Variants in HSF5 observed in about 807,000 individuals in gnomAD.
HSF5 encodes the protein heat shock factor protein 5.
A neutral mutation model predicts 50.8 loss-of-function variants in HSF5; 5 were observed. The observed-to-expected ratio is 0.10, with a 90% CI of 0.05 to 0.21. The LOEUF is 0.21. Ranked by LOEUF, HSF5 falls within the 10% of genes least tolerant of loss-of-function variation. The pLI is 1.00. For synonymous variants in HSF5, 307 were observed against 307.4 expected, an observed-to-expected ratio of 1.00 and a Z score of 0.02; for missense variants, 564 against 762.6, an observed-to-expected ratio of 0.74 and a Z score of 3.07.
intron 5 of HSF5, among the ~76,000 whole-genome samples, chr17:58,451,344 C>T (rs1010338233): frequency 6.6e-6 from 1 of 152,162 alleles, no homozygotes; most frequent in Non-Finnish European, 1.5e-5. Context: ...ATGGACCTAA[C>T]AAACATTTAC....
intron 1 of HSF5, among the ~76,000 whole-genome samples, 188 bp downstream of exon 1, chr17:58,487,537 G>A (rs1975202086): frequency 6.6e-6 from 1 of 152,240 alleles, no homozygotes; most frequent in Non-Finnish European, 1.5e-5. Context: ...TGGCCACCGT[G>A]CTGGTGCCGC....
In HSF5 at chr17:58,481,334, T is replaced by C. The variant is rs528064375; in HGVS notation, c.551-1067A>G. Reference sequence around the variant, plus strand: ...CAGAGATTCTGATACTTGTCTTCTCTTTATTAGCAATGTAAAAAGGAATAA... The same window carrying C: ...CAGAGATTCTGATACTTGTCTTCTCCTTATTAGCAATGTAAAAAGGAATAA... On this transcript the variant is annotated intron_variant, in intron 1 of 5. Coordinates refer to ENST00000323777, the MANE Select transcript of HSF5 (RefSeq NM_001080439.3). Among the ~76,000 whole-genome samples the C allele has an allele frequency of 2.0e-5, 3 of 152,316 alleles. No individual in the cohort carries two copies. The South Asian group carries it at 6.2e-4, about 32-fold the overall frequency.
Position 58,447,070 on chromosome 17 carries a change from AGCCAAGACTGT to A in HSF5, c.1720+11687_1720+11697del, listed in dbSNP as rs199645509. ...AACCTGGGAGACAGAGGTTTCAGTG[AGCCAAGACTGT>A]GCCACTGCACTCTAGCCTGGGCGAC... On this transcript the variant is annotated intron_variant, in intron 5 of 5. Transcript: ENST00000323777. Among the ~76,000 whole-genome samples, 1,380 of 152,302 alleles carry A rather than the reference AGCCAAGACTGT, an allele frequency of 9.1e-3. 23 individuals are homozygous for A. The highest frequency in any genetic ancestry group is 0.03 in the African/African-American group (1,263 of 41,558).
rs1035678610 is a variant in HSF5, at chr17:58,421,043, G to T, written c.*1317C>A. The T allele has an allele frequency of 6.6e-6, 1 of 152,592 alleles. No homozygotes were observed. Among genetic ancestry groups the T allele is most frequent in the African/African-American group, 2.4e-5 (1 of 41,434 alleles). 9.5% of individuals were successfully genotyped at this position (152,592 alleles called of 1,614,324 possible). On this transcript the variant is annotated 3_prime_UTR_variant, in exon 6 of 6. Transcript: ENST00000323777. ...TTCGTTTCTGCAGTGCTTAATAGGA[G>T]AACTGAAACAGAATCCAATAAGAAA...
chr17:58,425,380 T>C (rs1460079337), intron 5 of HSF5, among the ~76,000 whole-genome samples: 2 of 149,818 alleles, frequency 1.3e-5, no homozygotes, highest in Non-Finnish European at 3.0e-5. Flanking sequence ...CACTCCAGCC[T>C]GGGAAACAAG....
intron 5 of HSF5, among the ~76,000 whole-genome samples, chr17:58,450,826 C>T (rs185319920): frequency 5.9e-5 from 9 of 151,770 alleles, no homozygotes; most frequent in Admixed American, 2.6e-4. Flanking sequence ...CAGTAGCTCA[C>T]GCCTGTAATC....
intron 5 of HSF5, among the ~76,000 whole-genome samples, chr17:58,425,669 T>G (rs1381088888): frequency 1.3e-5 from 2 of 150,918 alleles, no homozygotes; most frequent in East Asian, 3.9e-4. Context: ...GAAGTTTAAG[T>G]AATAATGATA....
chr17:58,464,100 T>C (rs962411835), intron 3 of HSF5, among the ~76,000 whole-genome samples: 2 of 152,254 alleles, frequency 1.3e-5, no homozygotes, highest in African/African-American at 4.8e-5. Flanking sequence ...AGAAGAGTTA[T>C]GATTAAAGAA....
chr17:58,461,908 A>G (rs573080597), intron 4 of HSF5, among the ~76,000 whole-genome samples: 1 of 152,088 alleles, frequency 6.6e-6, no homozygotes, highest in Non-Finnish European at 1.5e-5. Flanking sequence ...TTTTTTTGGT[A>G]TTATTTTAAG....
chr17:58,482,843 G>A (rs946362080), intron 1 of HSF5, among the ~76,000 whole-genome samples: 55 of 150,328 alleles, frequency 3.7e-4, no homozygotes, highest in Admixed American at 2.7e-3. Flanking sequence ...AGGAGACTGA[G>A]ATGGGAGGAT....
chr17:58,451,003 C>T (rs148701647), intron 5 of HSF5, among the ~76,000 whole-genome samples: 1,997 of 152,072 alleles, frequency 0.013, 25 homozygotes, highest in Non-Finnish European at 0.022. Flanking sequence ...GCAGGAGAAT[C>T]GCTTGAACCT....
chr17:58,478,864 C>CAA lies in HSF5; in HGVS notation c.925+1027_925+1028dup, dbSNP rs11363228. On this transcript the variant is annotated intron_variant, in intron 2 of 5. Transcript: ENST00000323777. ...GGCAACAAGAGTGAAACTCCATCTC[C>CAA]AAAAAAAAAAAAAAAAAAGAGAAGA... Among the ~76,000 whole-genome samples, 3 of 95,396 alleles carry CAA rather than the reference C, an allele frequency of 3.1e-5. No individual in the cohort carries two copies. In the Admixed American group the frequency reaches 3.6e-4, roughly 11 times the overall value. The allele number at this position is 95,396 out of a possible 152,430, so 62.6% of individuals were successfully genotyped here. A position where few individuals can be genotyped will look rare whatever the true frequency, so the allele number is the denominator to read the frequency against.
At position 58,422,298 on chromosome 17, in the gene HSF5, G is replaced by A. The variant is rs904733523; in HGVS notation, c.*62C>T. The stretch of plus-strand genomic sequence containing the variant: ...TGAAAAAATCCCAACAGTTTGTCAT[G>A]TGCAAGGCTAGTCTGCCTCCAGCTA... On this transcript the variant is annotated 3_prime_UTR_variant, in exon 6 of 6. Coordinates refer to ENST00000323777, the MANE Select transcript of HSF5 (RefSeq NM_001080439.3). 1 of 1,196,148 alleles carries A rather than the reference G, an allele frequency of 8.4e-7. No homozygotes were observed. Among genetic ancestry groups the A allele is most frequent in the Non-Finnish European group, 1.2e-6 (1 of 811,322 alleles). The allele number at this position is 1,196,148 out of a possible 1,614,324, so 74.1% of individuals were successfully genotyped here. A position where few individuals can be genotyped will look rare whatever the true frequency, so the allele number is the denominator to read the frequency against.
intron 5 of HSF5, among the ~76,000 whole-genome samples, chr17:58,432,998 C>CCATT (rs35728420): frequency 0.21 from 31,763 of 151,318 alleles, 3,492 homozygotes; most frequent in South Asian, 0.32. Flanking sequence ...ACTAGAAGTA[C>CCATT]CATTCATTCA....
intron 2 of HSF5, 61 bp from the exon 3 acceptor site, chr17:58,467,040 G>T (rs764422302): frequency 1.0e-5 from 11 of 1,059,700 alleles, no homozygotes; most frequent in Non-Finnish European, 1.4e-5. Flanking sequence ...AGCATTCAAG[G>T]AGCTCCCCTC....
chr17:58,450,383 T>C lies in HSF5; in HGVS notation c.1720+8385A>G, dbSNP rs1297509762. Among the ~76,000 whole-genome samples, 13 of 139,490 alleles carry C rather than the reference T, an allele frequency of 9.3e-5. 1 individual carries two copies. The South Asian group carries it at 2.3e-3, about 25-fold the overall frequency. 91.5% of individuals were successfully genotyped at this position (139,490 alleles called of 152,430 possible). A position where few individuals can be genotyped will look rare whatever the true frequency, so the allele number is the denominator to read the frequency against. ...AAAAAAGATATGCATAGAATGAAAGTGAAGGGATGGAGAAGAATGTTCCAT... is the reference window on the plus strand; with the variant it reads ...AAAAAAGATATGCATAGAATGAAAGCGAAGGGATGGAGAAGAATGTTCCAT... On this transcript the variant is annotated intron_variant, in intron 5 of 5. Transcript: ENST00000323777.
At chr17:58,470,190 C>T (rs1388280569) in intron 2 of HSF5, among the ~76,000 whole-genome samples, 1 of 152,194 alleles carries the variant, frequency 6.6e-6, no homozygotes, top group Non-Finnish European at 1.5e-5. Context: ...AAAGTGAAAG[C>T]AGGCATTTGA....
At chr17:58,442,303 T>C (rs1418459131) in intron 5 of HSF5, among the ~76,000 whole-genome samples, 2 of 152,224 alleles carry the variant, frequency 1.3e-5, no homozygotes, top group East Asian at 3.8e-4. Context: ...GTGATCAAAG[T>C]CAAAGAGTTG....
At chr17:58,474,821 A>G (rs2143798283) in intron 2 of HSF5, among the ~76,000 whole-genome samples, 1 of 152,164 alleles carries the variant, frequency 6.6e-6, no homozygotes, top group South Asian at 2.1e-4. Context: ...GGCTCAAGCA[A>G]TCCTCCACCT....
Sources: gnomAD v4.1 joint callset for allele counts (sites outside exome capture counted in the v4.1 genomes callset) on GRCh38, gnomAD v4.1.1 for gene constraint, MANE v1.5 for transcripts, NCBI Gene and HGNC (gene_info 2026-07-23, HGNC 2026-07-21) for gene names.